Variants in ZFYVE9 observed in about 807,000 individuals in gnomAD.
ZFYVE9 encodes the protein zinc finger FYVE-type containing 9, also known as zinc finger FYVE domain-containing protein 9.
ZFYVE9 carries 43 observed loss-of-function variants against 126.7 expected under a neutral mutation model. The ratio of observed to expected loss-of-function variants is 0.34; its 90% CI spans 0.27 to 0.44. ZFYVE9 has a LOEUF of 0.44. Ranked by LOEUF, ZFYVE9 falls within the 20% of genes least tolerant of loss-of-function variation. ZFYVE9 has a pLI of 1.00. For missense variants in ZFYVE9, 1,476 were observed against 1,697.0 expected (o/e 0.87, Z 2.29); for synonymous variants, 521 against 597.4 (o/e 0.87, Z 1.87).
chr1:52,317,062 G>A (rs1166620771), intron 13 of ZFYVE9, among the ~76,000 whole-genome samples: 1 of 152,078 alleles, frequency 6.6e-6, no homozygotes, highest in South Asian at 2.1e-4. Flanking sequence ...CAAATATTTG[G>A]AAATAAAGTG....
At chr1:52,144,663 G>T (rs1294836490) in intron 1 of ZFYVE9, among the ~76,000 whole-genome samples, 1 of 149,276 alleles carries the variant, frequency 6.7e-6, no homozygotes, top group Non-Finnish European at 1.5e-5. Context: ...TGCAGCTCCA[G>T]CTCAAAGGAT....
intron 1 of ZFYVE9, among the ~76,000 whole-genome samples, chr1:52,177,189 A>T (rs183686469): frequency 4.5e-4 from 63 of 139,574 alleles, no homozygotes; most frequent in African/African-American, 1.6e-3. Context: ...CCCTCTTGTC[A>T]CCCAGGCTGG....
chr1:52,215,248 G>T (rs1013365042), intron 1 of ZFYVE9, among the ~76,000 whole-genome samples: 1 of 152,046 alleles, frequency 6.6e-6, no homozygotes, highest in African/African-American at 2.4e-5. Flanking sequence ...CTTCTGATAT[G>T]ACTTAGTCCT....
At chr1:52,210,168 GGAT>G (rs1347883760) in intron 1 of ZFYVE9, among the ~76,000 whole-genome samples, 2 of 152,168 alleles carry the variant, frequency 1.3e-5, no homozygotes, top group African/African-American at 2.4e-5. Context: ...TGAGACAAGT[GGAT>G]GATAATGCAC....
chr1:52,160,258 C>G (rs879241809), intron 1 of ZFYVE9: 2 of 883,940 alleles, frequency 2.3e-6, no homozygotes, highest in Non-Finnish European at 1.9e-6. Context: ...TTTCTCTTTT[C>G]AATTAAATCT....
chr1:52,246,963 C>T (rs2124641064), intron 4 of ZFYVE9, among the ~76,000 whole-genome samples: 1 of 152,258 alleles, frequency 6.6e-6, no homozygotes, highest in South Asian at 2.1e-4. Flanking sequence ...CCACCTTTGC[C>T]TTCCAAAGTG....
rs1557473456 is a variant in ZFYVE9, at chr1:52,238,108, C to T, written c.691C>T (p.Pro231Ser). 2 of 1,614,060 alleles carry T rather than the reference C, an allele frequency of 1.2e-6. No homozygotes were observed. The highest frequency in any genetic ancestry group is 2.2e-5 in the East Asian group (1 of 44,882). ...GGGGAGATCTGTTAACCATCTGTGTCCTACTTCATCTGATAGTCTAGCCAG... is the reference window on the plus strand; with the variant it reads ...GGGGAGATCTGTTAACCATCTGTGTTCTACTTCATCTGATAGTCTAGCCAG... ...TEGRSVNHLCPTSSDSLASVC... is the reference protein window; with the variant it reads ...TEGRSVNHLCSTSSDSLASVC... The change falls in exon 4 of 19, where the codon CCT becomes TCT. Residue 231 changes from proline (P) to serine (S), a missense_variant. Physicochemically the swap from Pro to Ser is moderately conservative, Grantham distance 74. Around this residue, in one of 2 missense-constraint regions of ZFYVE9, gnomAD observed 807 missense variants for 794.6 expected, o/e 1.02. Coordinates refer to ENST00000287727, the MANE Select transcript of ZFYVE9 (RefSeq NM_004799.4).
At chr1:52,246,024 C>A (rs1385619160) in intron 4 of ZFYVE9, among the ~76,000 whole-genome samples, 1 of 152,070 alleles carries the variant, frequency 6.6e-6, no homozygotes, top group Non-Finnish European at 1.5e-5. Context: ...ACTTCCTGGG[C>A]CCAGGCAATT....
intron 2 of ZFYVE9, among the ~76,000 whole-genome samples, chr1:52,224,119 G>A (rs187100606): frequency 6.6e-6 from 1 of 152,190 alleles, no homozygotes; most frequent in African/African-American, 2.4e-5. Flanking sequence ...AGGGAAAAAG[G>A]GTTGGGGTAG....
intron 15 of ZFYVE9, among the ~76,000 whole-genome samples, chr1:52,335,793 A>T (rs2147872600): frequency 6.6e-6 from 1 of 152,326 alleles, no homozygotes; most frequent in African/African-American, 2.4e-5. Flanking sequence ...ACATGATGAC[A>T]GGTTTTCATT....
At chr1:52,232,886 A>G (rs1012382931) in intron 2 of ZFYVE9, among the ~76,000 whole-genome samples, 3 of 152,074 alleles carry the variant, frequency 2.0e-5, no homozygotes, top group African/African-American at 7.2e-5. Flanking sequence ...ACACAATTTT[A>G]TACCAAACAA....
intron 1 of ZFYVE9, among the ~76,000 whole-genome samples, chr1:52,204,791 C>G (rs1644958009): frequency 6.6e-6 from 1 of 152,164 alleles, no homozygotes. Context: ...TCCCTTTCCC[C>G]TTTCCCTGCC....
intron 1 of ZFYVE9, chr1:52,180,300 C>T (rs577328097): frequency 1.3e-6 from 2 of 1,589,684 alleles, no homozygotes; most frequent in East Asian, 2.2e-5. Context: ...AACCTGCATA[C>T]CCAGTTATCC....
At chr1:52,253,728 C>A in intron 4 of ZFYVE9, 1 of 1,607,838 alleles carries the variant, frequency 6.2e-7, no homozygotes. Flanking sequence ...TCTCATCTTG[C>A]AAACCAGGAT....
intron 1 of ZFYVE9, among the ~76,000 whole-genome samples, chr1:52,171,014 ATTATAC>A (rs988378123): frequency 9.3e-5 from 14 of 150,366 alleles, no homozygotes; most frequent in African/African-American, 3.2e-4. Flanking sequence ...TTTTTTTTTA[ATTATAC>A]TTTAAGTTTT....
intron 2 of ZFYVE9, among the ~76,000 whole-genome samples, chr1:52,219,397 C>T (rs574944969): frequency 2.6e-5 from 4 of 151,954 alleles, no homozygotes; most frequent in East Asian, 1.9e-4. Flanking sequence ...GCAATGGTTG[C>T]GGCCCCTTTT....
chr1:52,148,049 G>T (rs1164518687), intron 1 of ZFYVE9, among the ~76,000 whole-genome samples: 1 of 151,572 alleles, frequency 6.6e-6, no homozygotes, highest in Non-Finnish European at 1.5e-5. Flanking sequence ...CAAAGTGCTG[G>T]GATTACAGGC....
At chr1:52,162,385 A>G (rs919685166) in intron 1 of ZFYVE9, 5 of 332,872 alleles carry the variant, frequency 1.5e-5, no homozygotes, top group South Asian at 1.1e-4. Context: ...CACCACCACT[A>G]TGAGTTCTGC....
At chr1:52,144,572 G>C (rs1023285152) in intron 1 of ZFYVE9, among the ~76,000 whole-genome samples, 10 of 151,564 alleles carry the variant, frequency 6.6e-5, no homozygotes, top group African/African-American at 1.5e-4. Context: ...TGAGCCGAAG[G>C]AAGGTGTCTA....
Sources: allele counts gnomAD v4.1 joint callset (sites outside exome capture counted in the v4.1 genomes callset), GRCh38; gene constraint gnomAD v4.1.1; regional missense constraint gnomAD v4.1.1; transcripts MANE v1.5; gene names NCBI Gene and HGNC (gene_info 2026-07-23, HGNC 2026-07-21).